The following TUT4 variants were observed in gnomAD, a reference collection of about 807,000 sequenced individuals.
The protein encoded by TUT4 is terminal uridylyl transferase 4.
Under a neutral mutation model 192.2 loss-of-function variants are expected in TUT4, and 36 were observed. The observed-to-expected ratio is 0.19, with a 90% CI of 0.14 to 0.25. TUT4 has a LOEUF of 0.25. Among genes scored for constraint, TUT4 ranks in the 10% least tolerant of loss-of-function variants. TUT4 has a pLI of 1.00. For synonymous variants in TUT4, 618 were observed against 666.0 expected (o/e 0.93, Z 1.11); for missense variants, 1,493 against 1,957.2 (o/e 0.76, Z 4.47).
In TUT4 at chr1:52,461,623, T is replaced by A. The variant is rs12094490; in HGVS notation, c.3128-7A>T. On this transcript the variant is annotated splice_polypyrimidine_tract_variant and splice_region_variant and intron_variant, in intron 17 of 29. Coordinates refer to ENST00000257177, the MANE Select transcript of TUT4 (RefSeq NM_001009881.3). ...GGCAAAATGTTTCTTAAACCTAATT[T>A]AAAAAAAAAAGACTTCAGTAGGTTA... is the stretch of plus-strand genomic sequence containing the variant. 1.4e-3 allele frequency: 2,027 copies of A among 1,461,248 alleles called. 15 individuals are homozygous for A. The African/African-American group carries it at 0.026, about 19-fold the overall frequency. The allele number at this position is 1,461,248 out of a possible 1,614,324, so 90.5% of individuals were successfully genotyped here.
intron 22 of TUT4, 71 bp downstream of exon 22, chr1:52,446,194 T>C: frequency 6.8e-7 from 1 of 1,460,838 alleles, no homozygotes; most frequent in Non-Finnish European, 9.3e-7. Context: ...TCCTAATGTA[T>C]TTCAGTTTTC....
intron 24 of TUT4, among the ~76,000 whole-genome samples, chr1:52,444,464 T>C (rs1371128180): frequency 6.6e-6 from 1 of 152,066 alleles, no homozygotes; most frequent in African/African-American, 2.4e-5. Context: ...GAAACTGGAC[T>C]GAACAAGTTC....
intron 19 of TUT4, among the ~76,000 whole-genome samples, chr1:52,460,769 T>C (rs965004197): frequency 6.6e-6 from 1 of 152,240 alleles, no homozygotes; most frequent in African/African-American, 2.4e-5. Flanking sequence ...ATTATTGGTA[T>C]TGTTTTGTTT....
intron 14 of TUT4, among the ~76,000 whole-genome samples, chr1:52,471,704 CCAT>C (rs772409716): frequency 2.1e-4 from 32 of 152,098 alleles, no homozygotes; most frequent in Admixed American, 4.6e-4. Flanking sequence ...CTAGAAGCTA[CCAT>C]GTTAGACAGC....
At chr1:52,514,605 A>G (rs549978207) in intron 3 of TUT4, among the ~76,000 whole-genome samples, 2 of 152,238 alleles carry the variant, frequency 1.3e-5, no homozygotes, top group South Asian at 4.1e-4. Flanking sequence ...CTCTGCTGTA[A>G]GTTCTATTAA....
rs1182662683 is a variant in TUT4 at position 52,477,901 on chromosome 1, T to G, written c.1849-19A>C. 1.3e-6 allele frequency: 2 copies of G among 1,571,772 alleles called. No individual in the cohort carries two copies. The highest frequency in any genetic ancestry group is 1.7e-6 in the Non-Finnish European group (2 of 1,163,210). On this transcript the variant is annotated intron_variant, in intron 11 of 29. Coordinates refer to ENST00000257177, the MANE Select transcript of TUT4 (RefSeq NM_001009881.3). ...AAGGAGACTGGAAAAGAAAAAATAC[T>G]TTTCATTTAAGCTTAACAAAACCAT...
intron 13 of TUT4, among the ~76,000 whole-genome samples, chr1:52,473,891 T>C (rs781334796): frequency 2.6e-5 from 4 of 152,174 alleles, no homozygotes; most frequent in South Asian, 2.1e-4. Flanking sequence ...TGATTTTAAA[T>C]GATTTCCTTT....
chr1:52,523,982 G>C (rs114663341), intron 2 of TUT4, among the ~76,000 whole-genome samples: 1 of 151,334 alleles, frequency 6.6e-6, no homozygotes, highest in Non-Finnish European at 1.5e-5. Context: ...GAAAACACTA[G>C]GAAAAAAAGA....
intron 9 of TUT4, among the ~76,000 whole-genome samples, chr1:52,487,407 G>A (rs187600787): frequency 1.3e-5 from 2 of 151,954 alleles, no homozygotes. Context: ...AGCCGTGATC[G>A]CTCACTCCAG....
Position 52,431,361 on chromosome 1 carries a change from G to C in TUT4, c.4363C>G (p.Pro1455Ala). 2 of 1,614,166 alleles carry C rather than the reference G, an allele frequency of 1.2e-6. No homozygotes were observed. Among genetic ancestry groups the C allele is most frequent in the East Asian group, 4.5e-5 (2 of 44,892 alleles). ...CCCTGCTGAGGTGGGCCAAGCTTAG[G>C]TTGGGATCCTGGCTGAGATGAAGGC... Reference protein sequence around the residue: ...TQPSSQPGSQPKLGPPQQGAQ... With the variant: ...TQPSSQPGSQAKLGPPQQGAQ... Residue 1455 changes from proline (P) to alanine (A), a missense_variant, in exon 28 of 30, where the codon CCT becomes GCT. Pro to Ala is a conservative substitution (Grantham distance 27). Transcript: ENST00000257177.
intron 4 of TUT4, among the ~76,000 whole-genome samples, chr1:52,498,496 G>T (rs562944005): frequency 1.5e-4 from 23 of 151,854 alleles, no homozygotes; most frequent in Non-Finnish European, 3.2e-4. Context: ...CACCCACCTC[G>T]GCCTCCCAAA....
chr1:52,495,561 T>C (rs577477700), intron 5 of TUT4, 46 bp from the exon 6 acceptor site: 27 of 1,440,530 alleles, frequency 1.9e-5, no homozygotes, highest in Non-Finnish European at 2.4e-5. Flanking sequence ...CATGCAAATA[T>C]GAGAGATGTA....
chr1:52,492,677 A>G (rs1450558899), intron 7 of TUT4, among the ~76,000 whole-genome samples: 1 of 152,264 alleles, frequency 6.6e-6, no homozygotes. Flanking sequence ...TCACTTTGTA[A>G]CAAGAAAAAC....
At chr1:52,456,586 A>T (rs894480419) in intron 20 of TUT4, among the ~76,000 whole-genome samples, 18 of 151,922 alleles carry the variant, frequency 1.2e-4, no homozygotes, top group Admixed American at 9.8e-4. Context: ...GATGGAAGTC[A>T]ATCTGAAAAG....
intron 19 of TUT4, among the ~76,000 whole-genome samples, chr1:52,460,712 C>G (rs1209283802): frequency 1.3e-5 from 2 of 152,134 alleles, no homozygotes; most frequent in African/African-American, 4.8e-5. Flanking sequence ...AATGAGAAAA[C>G]TAAATTCAAT....
intron 28 of TUT4, among the ~76,000 whole-genome samples, chr1:52,428,682 A>G (rs1650893608): frequency 6.6e-6 from 1 of 150,662 alleles, no homozygotes; most frequent in East Asian, 2.0e-4. Flanking sequence ...CTGTAGTCTC[A>G]GCTATTCGGG....
rs1676554540 is a variant in TUT4, at chr1:52,509,627, A to G, written c.968T>C (p.Ile323Thr). ...ATTTTTCTTATGTCGTTTCTCCTTT[A>G]TATGTTTATGAGCCCCCTGGATATT... Reference protein sequence around the residue: ...IENIQGAHKHIKEKRHKKNIL... With the variant: ...IENIQGAHKHTKEKRHKKNIL... Residue 323 changes from isoleucine (I) to threonine (T), a missense_variant, in exon 4 of 30, where the codon ATA becomes ACA. By Grantham distance (89) the Ile-to-Thr change is moderately conservative. This residue lies in a region of TUT4 where 437 missense variants were observed against 577.6 expected (regional missense o/e 0.76). Coordinates refer to ENST00000257177, the MANE Select transcript of TUT4 (RefSeq NM_001009881.3). The G allele has an allele frequency of 6.2e-7, 1 of 1,600,738 alleles. No homozygotes were observed. Among genetic ancestry groups the G allele is most frequent in the South Asian group, 1.1e-5 (1 of 89,594 alleles).
At chr1:52,482,782 T>C (rs573911188) in intron 9 of TUT4, among the ~76,000 whole-genome samples, 1 of 152,154 alleles carries the variant, frequency 6.6e-6, no homozygotes, top group Non-Finnish European at 1.5e-5. Context: ...ATATGGATGG[T>C]TACGTAACAG....
At chr1:52,469,096 T>C (rs1369486272) in intron 14 of TUT4, among the ~76,000 whole-genome samples, 1 of 152,190 alleles carries the variant, frequency 6.6e-6, no homozygotes, top group African/African-American at 2.4e-5. Flanking sequence ...CTATTCTGTA[T>C]GACACTCTAA....
Sources: gnomAD v4.1 joint callset for allele counts (sites outside exome capture counted in the v4.1 genomes callset) on GRCh38, gnomAD v4.1.1 for gene constraint, gnomAD v4.1.1 regional missense constraint, MANE v1.5 for transcripts, NCBI Gene and HGNC (gene_info 2026-07-23, HGNC 2026-07-21) for gene names.